CCDC192: variants seen among roughly 807,000 people sequenced by gnomAD.
The protein encoded by CCDC192 is coiled-coil domain-containing protein 192.
intron 3 of CCDC192, among the ~76,000 whole-genome samples, chr5:127,755,783 A>C (rs894252818): frequency 4.8e-5 from 6 of 125,232 alleles, no homozygotes; most frequent in Non-Finnish European, 1.6e-5. Context: ...TTACACTAAG[A>C]AGGTATATAG....
intron 6 of CCDC192, among the ~76,000 whole-genome samples, chr5:127,911,304 C>CA (rs1455112326): frequency 6.6e-6 from 1 of 152,154 alleles, no homozygotes; most frequent in African/African-American, 2.4e-5. Context: ...GAGGAACAGA[C>CA]ATGTAGACAG....
chr5:127,876,856 A>G (rs1752102993), intron 6 of CCDC192, among the ~76,000 whole-genome samples: 2 of 152,228 alleles, frequency 1.3e-5, no homozygotes, highest in Admixed American at 1.3e-4. Flanking sequence ...GTGCTTTCCC[A>G]GGATTCAAAT....
intron 5 of CCDC192, among the ~76,000 whole-genome samples, chr5:127,817,882 A>G (rs1190420066): frequency 6.6e-6 from 1 of 152,208 alleles, no homozygotes; most frequent in Non-Finnish European, 1.5e-5. Flanking sequence ...CTGATCTCTG[A>G]ACCACGCTTT....
chr5:127,777,967 A>C (rs986264607), intron 3 of CCDC192, among the ~76,000 whole-genome samples: 1 of 151,936 alleles, frequency 6.6e-6, no homozygotes, highest in Non-Finnish European at 1.5e-5. Flanking sequence ...AGACTAATAA[A>C]ATCTTATACT....
At chr5:127,896,447 T>TG (rs1432104377) in intron 6 of CCDC192, among the ~76,000 whole-genome samples, 2 of 147,344 alleles carry the variant, frequency 1.4e-5, no homozygotes, top group Admixed American at 1.3e-4. Context: ...TTTTTTTTTT[T>TG]CTTGAGACGG....
At chr5:127,849,267 A>T (rs1750695229) in intron 5 of CCDC192, among the ~76,000 whole-genome samples, 1 of 152,176 alleles carries the variant, frequency 6.6e-6, no homozygotes, top group Non-Finnish European at 1.5e-5. Context: ...CATTGAATTT[A>T]CTTGAAATTA....
At chr5:127,785,054 G>T in intron 3 of CCDC192, 1 of 497,368 alleles carries the variant, frequency 2.0e-6, no homozygotes, top group South Asian at 1.5e-5. Flanking sequence ...ATTTTAATTT[G>T]AGTGCAATCA....
intron 2 of CCDC192, among the ~76,000 whole-genome samples, chr5:127,716,642 C>T (rs901882813): frequency 6.6e-6 from 1 of 152,094 alleles, no homozygotes; most frequent in South Asian, 2.1e-4. Flanking sequence ...GGAAGTTTCT[C>T]TTTTTATATT....
At chr5:127,939,110 CTTTTTTTTTTTT>C (rs59545987) in intron 6 of CCDC192, among the ~76,000 whole-genome samples, 8 of 83,650 alleles carry the variant, frequency 9.6e-5, no homozygotes, top group Admixed American at 3.5e-4. Context: ...AAACCAACAT[CTTTTTTTTTTTT>C]TTTTTTTTTT....
chr5:127,933,522 G>T (rs1171743688), intron 6 of CCDC192, among the ~76,000 whole-genome samples: 2 of 152,200 alleles, frequency 1.3e-5, no homozygotes, highest in Non-Finnish European at 2.9e-5. Context: ...CACCGTGAGA[G>T]CATCTAATTG....
In CCDC192 at chr5:127,716,241, A is replaced by G. The variant is rs73343101; in HGVS notation, c.114+8481A>G. On this transcript the variant is annotated intron_variant, in intron 2 of 6. Coordinates refer to ENST00000514853, the MANE Select transcript of CCDC192 (RefSeq NM_001317938.2). ...TCCTTGTATCCCTGGTATGAATCCC[A>G]CTTAATCATGATGAATATTCTTTTT... is the stretch of plus-strand genomic sequence containing the variant. Among the ~76,000 whole-genome samples, 1,033 of 152,244 alleles carry G rather than the reference A, an allele frequency of 6.8e-3. 8 individuals carry two copies. The highest frequency in any genetic ancestry group is 0.023 in the African/African-American group (971 of 41,570).
chr5:127,783,631 A>C (rs1217783393), intron 3 of CCDC192, among the ~76,000 whole-genome samples: 1 of 152,154 alleles, frequency 6.6e-6, no homozygotes, highest in Non-Finnish European at 1.5e-5. Context: ...TGTATCTGTT[A>C]AGTCTATTTG....
intron 2 of CCDC192, among the ~76,000 whole-genome samples, chr5:127,751,809 C>A (rs548843713): frequency 8.5e-5 from 13 of 152,280 alleles, no homozygotes; most frequent in African/African-American, 3.1e-4. Flanking sequence ...AGGCTTTACT[C>A]ATTTCTTTGT....
chr5:127,714,569 T>A (rs984243489), intron 2 of CCDC192, among the ~76,000 whole-genome samples: 1 of 152,074 alleles, frequency 6.6e-6, no homozygotes, highest in African/African-American at 2.4e-5. Flanking sequence ...TTGTACTTTT[T>A]TTTAAGTAGA....
intron 5 of CCDC192, among the ~76,000 whole-genome samples, chr5:127,798,728 T>C (rs545344923): frequency 4.7e-5 from 7 of 150,350 alleles, no homozygotes; most frequent in Non-Finnish European, 8.9e-5. Flanking sequence ...TACATACATA[T>C]ATATATTACA....
At position 127,797,566 on chromosome 5, in the gene CCDC192, G is replaced by A. The variant is rs1363715697; in HGVS notation, c.354+332G>A. 2.1e-4 allele frequency among the ~76,000 whole-genome samples: 32 copies of A among 151,308 alleles called. 1 individual carries two copies. The highest frequency in any genetic ancestry group is 1.8e-3 in the Admixed American group (27 of 15,142). ...AGTGTTTCTTTCTGTGGAGTAAAAC[G>A]AGAGGCTCATAACATTTGGCATATG... On this transcript the variant is annotated intron_variant, in intron 4 of 6. Coordinates refer to ENST00000514853, the MANE Select transcript of CCDC192 (RefSeq NM_001317938.2).
intron 5 of CCDC192, among the ~76,000 whole-genome samples, chr5:127,824,097 C>T (rs1580713527): frequency 6.6e-6 from 1 of 152,112 alleles, no homozygotes; most frequent in Admixed American, 6.5e-5. Context: ...ACTGCTTGCC[C>T]TTAGGGAAAT....
chr5:127,754,684 C>T (rs1754475897), intron 3 of CCDC192, among the ~76,000 whole-genome samples: 1 of 149,292 alleles, frequency 6.7e-6, no homozygotes, highest in South Asian at 2.1e-4. Context: ...CCTTCTTTAA[C>T]TAAGTGATCT....
Position 127,729,572 on chromosome 5 carries a change from T to C in CCDC192, c.114+21812T>C, listed in dbSNP as rs1228998819. ...GTCAAAACTACAGAATATACATTCT[T>C]CTTCGGGTCACATGGCACTTACTCT... On this transcript the variant is annotated intron_variant, in intron 2 of 6. Transcript: ENST00000514853. 3.3e-5 allele frequency among the ~76,000 whole-genome samples: 5 copies of C among 152,340 alleles called. No homozygotes were observed. The East Asian group carries it at 9.6e-4, about 29-fold the overall frequency.
Sources: gnomAD v4.1 joint callset for allele counts (sites outside exome capture counted in the v4.1 genomes callset) on GRCh38, gnomAD v4.1.1 for gene constraint, MANE v1.5 for transcripts, NCBI Gene and HGNC (gene_info 2026-07-23, HGNC 2026-07-21) for gene names.